HECW1: variants seen among roughly 807,000 people sequenced by gnomAD.
HECW1 encodes the protein E3 ubiquitin-protein ligase HECW1.
In HECW1, 61 loss-of-function variants were observed where a neutral mutation model predicts 182.3. The observed-to-expected ratio is 0.33, with a 90% CI of 0.27 to 0.41. The LOEUF (loss-of-function observed/expected upper bound fraction) is 0.41. HECW1 is among the 10% of genes least tolerant of loss of function. HECW1 has a pLI of 1.00. For missense variants in HECW1, 1,739 were observed against 2,108.9 expected, an observed-to-expected ratio of 0.82 and a Z score of 3.44; for synonymous variants, 859 against 832.6, an observed-to-expected ratio of 1.03 and a Z score of -0.55.
chr7:43,247,166 T>A (rs1337418579), intron 3 of HECW1, among the ~76,000 whole-genome samples: 2 of 152,224 alleles, frequency 1.3e-5, no homozygotes, highest in Non-Finnish European at 2.9e-5. Flanking sequence ...TTGACTACAA[T>A]GCCAAGGTGT....
At chr7:43,419,889 T>C (rs997969566) in intron 8 of HECW1, among the ~76,000 whole-genome samples, 4 of 152,374 alleles carry the variant, frequency 2.6e-5, no homozygotes, top group African/African-American at 9.6e-5. Flanking sequence ...GTCCACTCTA[T>C]TGCTGTGTCC....
chr7:43,380,136 T>G (rs1020321544), intron 6 of HECW1, among the ~76,000 whole-genome samples: 1 of 152,232 alleles, frequency 6.6e-6, no homozygotes, highest in Non-Finnish European at 1.5e-5. Context: ...CACTGCAACT[T>G]TGACCTCCTG....
At chr7:43,517,323 A>C (rs7802054) in intron 24 of HECW1, among the ~76,000 whole-genome samples, 40,705 of 151,524 alleles carry the variant, frequency 0.27, 5,547 homozygotes, top group South Asian at 0.36. Flanking sequence ...TAACTGCAAA[A>C]TAAACAGACT....
intron 5 of HECW1, among the ~76,000 whole-genome samples, chr7:43,357,716 T>A (rs115519895): frequency 0.015 from 2,213 of 151,804 alleles, 58 homozygotes; most frequent in African/African-American, 0.051. Context: ...TTTTTATATA[T>A]TTATATGTAT....
chr7:43,467,090 A>G (rs2077810958), intron 15 of HECW1, among the ~76,000 whole-genome samples: 1 of 152,184 alleles, frequency 6.6e-6, no homozygotes, highest in East Asian at 1.9e-4. Flanking sequence ...CACTATATTC[A>G]TTAATTTTTC....
intron 3 of HECW1, among the ~76,000 whole-genome samples, chr7:43,310,165 T>C (rs1040650020): frequency 2.0e-5 from 3 of 152,202 alleles, no homozygotes; most frequent in Admixed American, 6.5e-5. Flanking sequence ...AACCTTGTGC[T>C]CTTGCAGCAG....
chr7:43,436,402 C>T (rs2076714468), intron 8 of HECW1, among the ~76,000 whole-genome samples: 1 of 152,100 alleles, frequency 6.6e-6, no homozygotes, highest in East Asian at 1.9e-4. Context: ...ACCAAACAGG[C>T]TTTGTCTGAG....
intron 26 of HECW1, among the ~76,000 whole-genome samples, chr7:43,545,832 G>A (rs1193986441): frequency 7.4e-6 from 1 of 135,408 alleles, no homozygotes; most frequent in African/African-American, 2.6e-5. Context: ...TGGAGGAGGT[G>A]GAAGGGGGGC....
rs542261499 is a variant in HECW1, at chr7:43,257,319, AG to A, written c.27+13391del. ...TCTCTGAGTCTAATATGTGGCAAGA[AG>A]GGGATTTTGAAACACAGCATTTATA... On this transcript the variant is annotated intron_variant, in intron 3 of 29. Transcript: ENST00000395891. Among the ~76,000 whole-genome samples, 325 of 152,356 alleles carry A rather than the reference AG, an allele frequency of 2.1e-3. 1 individual carries two copies. Among genetic ancestry groups the A allele is most frequent in the African/African-American group, 7.6e-3 (314 of 41,586 alleles).
At chr7:43,314,596 C>T (rs1808951268) in intron 4 of HECW1, among the ~76,000 whole-genome samples, 1 of 152,204 alleles carries the variant, frequency 6.6e-6, no homozygotes, top group Non-Finnish European at 1.5e-5. Flanking sequence ...GTTAACATGA[C>T]ATTTTGACTG....
At chr7:43,508,935 G>C in intron 23 of HECW1, 34 bp from the exon 24 acceptor site, 1 of 1,608,824 alleles carries the variant, frequency 6.2e-7, no homozygotes, top group Non-Finnish European at 8.5e-7. Flanking sequence ...TCCGGGCACA[G>C]AATGAGCTTC....
chr7:43,242,919 G>A (rs376627595), intron 2 of HECW1, among the ~76,000 whole-genome samples: 2 of 152,114 alleles, frequency 1.3e-5, no homozygotes, highest in East Asian at 1.9e-4. Flanking sequence ...GTACGTAGAT[G>A]TTGAATTCTC....
chr7:43,373,762 A>G (rs1049321663), intron 6 of HECW1, among the ~76,000 whole-genome samples: 3 of 152,120 alleles, frequency 2.0e-5, no homozygotes, highest in African/African-American at 7.2e-5. Flanking sequence ...CCCAAACTGA[A>G]ATTCTGTCCC....
intron 17 of HECW1, among the ~76,000 whole-genome samples, chr7:43,487,368 A>G (rs982348054): frequency 6.6e-6 from 1 of 152,218 alleles, no homozygotes; most frequent in East Asian, 1.9e-4. Context: ...AAGTTTTCAC[A>G]TTTACAATTA....
chr7:43,142,664 G>T (rs1014500528), intron 2 of HECW1, among the ~76,000 whole-genome samples: 3 of 152,142 alleles, frequency 2.0e-5, no homozygotes, highest in Non-Finnish European at 4.4e-5. Context: ...ATCCTATGTG[G>T]CTTCTAATTT....
At chr7:43,349,045 G>GTTTTGT (rs1554371555) in intron 5 of HECW1, among the ~76,000 whole-genome samples, 8 of 151,590 alleles carry the variant, frequency 5.3e-5, no homozygotes, top group African/African-American at 1.9e-4. Context: ...GTTTTGTTTT[G>GTTTTGT]TTTTTTGAGA....
intron 4 of HECW1, among the ~76,000 whole-genome samples, chr7:43,313,818 C>G (rs1463530138): frequency 2.0e-5 from 3 of 152,178 alleles, no homozygotes; most frequent in Non-Finnish European, 4.4e-5. Context: ...TCTGCACCCT[C>G]CCTAGACTGG....
chr7:43,311,032 G>T lies in HECW1; in HGVS notation c.28-731G>T, dbSNP rs543477807. On this transcript the variant is annotated intron_variant, in intron 3 of 29. Transcript: ENST00000395891. ...AAAACGAGTTAGTGCTCTGCATCAG[G>T]TTGGCTCATTTTAAGTGCTCAAAGT... Among the ~76,000 whole-genome samples, 181 of 152,250 alleles carry T rather than the reference G, an allele frequency of 1.2e-3. 1 individual carries two copies. Among genetic ancestry groups the T allele is most frequent in the African/African-American group, 4.3e-3 (178 of 41,536 alleles).
intron 24 of HECW1, among the ~76,000 whole-genome samples, chr7:43,528,967 G>T (rs55704525): frequency 6.6e-6 from 1 of 152,078 alleles, no homozygotes; most frequent in Non-Finnish European, 1.5e-5. Flanking sequence ...GGGCATTGGG[G>T]AGGAGATTCT....
Sources: gnomAD v4.1 joint callset for allele counts (sites outside exome capture counted in the v4.1 genomes callset) on GRCh38, gnomAD v4.1.1 for gene constraint, MANE v1.5 for transcripts, NCBI Gene and HGNC (gene_info 2026-07-23, HGNC 2026-07-21) for gene names.